Variants in TEX11 observed in about 807,000 individuals in gnomAD.
TEX11 encodes the protein testis-expressed protein 11.
TEX11 carries 7 observed loss-of-function variants against 84.4 expected under a neutral mutation model. The observed-to-expected ratio is 0.08, with a 90% CI of 0.05 to 0.16. TEX11 has a LOEUF of 0.16. TEX11 is among the 10% of genes least tolerant of loss of function. The pLI, the probability that TEX11 is intolerant of heterozygous loss-of-function variation, is 1.00. For missense variants in TEX11, 551 were observed against 660.5 expected (o/e 0.83, Z 1.82); for synonymous variants, 264 against 222.8 (o/e 1.18, Z -1.64).
intron 9 of TEX11, among the ~76,000 whole-genome samples, chrX:70,784,345 A>C (rs930330208): frequency 9.0e-6 from 1 of 111,528 alleles, no homozygotes; most frequent in Non-Finnish European, 1.9e-5. Flanking sequence ...AATAAGAGCT[A>C]TTTCTGACAA....
chrX:70,654,235 G>T (rs1266528080), intron 16 of TEX11, among the ~76,000 whole-genome samples: 2 of 111,646 alleles, frequency 1.8e-5, no homozygotes. Context: ...GCACACTAAT[G>T]CGAGATGTTA....
intron 17 of TEX11, among the ~76,000 whole-genome samples, chrX:70,641,265 A>C (rs1226667895): frequency 1.8e-5 from 2 of 111,559 alleles, no homozygotes; most frequent in African/African-American, 6.5e-5. Flanking sequence ...CAGATTCATA[A>C]AGCAAGTCCT....
chrX:70,613,719 G>C lies in TEX11; in HGVS notation c.1752-3176C>G, dbSNP rs918872562. On this transcript the variant is annotated intron_variant, in intron 20 of 29. Coordinates refer to ENST00000374333, the MANE Select transcript of TEX11 (RefSeq NM_031276.3). ...TGAGCCACCAGCTGGGGTAGCTAAG[G>C]GGGTGCTTGTTCCACCCCTCCCCAA... Among the ~76,000 whole-genome samples, 103 of 111,712 alleles carry C rather than the reference G, an allele frequency of 9.2e-4. 1 individual carries two copies. The highest frequency in any genetic ancestry group is 3.3e-3 in the African/African-American group (102 of 30,783).
chrX:70,540,504 T>C (rs1216668207), intron 28 of TEX11, among the ~76,000 whole-genome samples: 1 of 111,896 alleles, frequency 8.9e-6, no homozygotes, highest in Non-Finnish European at 1.9e-5. Flanking sequence ...TTTTTTTTAT[T>C]ATGGAGATAA....
At chrX:70,811,316 G>C (rs937857773) in intron 8 of TEX11, among the ~76,000 whole-genome samples, 8 of 110,486 alleles carry the variant, frequency 7.2e-5, no homozygotes, top group Non-Finnish European at 1.9e-5. Context: ...GAGAATGATG[G>C]TTTCCAGCTT....
intron 4 of TEX11, among the ~76,000 whole-genome samples, chrX:70,862,969 T>A (rs1321275802): frequency 9.2e-6 from 1 of 108,445 alleles, no homozygotes; most frequent in Non-Finnish European, 1.9e-5. Context: ...CTCAACACAG[T>A]GCGACAAAGC....
In TEX11 at chrX:70,593,056, A is replaced by AACAC. The variant is rs56116828; in HGVS notation, c.2068-1237_2068-1234dup. On this transcript the variant is annotated intron_variant, in intron 24 of 29. Transcript: ENST00000374333. Reference sequence around the variant, plus strand: ...GGCAATTTATGCACAAGAGCATTTTAACACACACACACACACACACACACA... The same window carrying AACAC: ...GGCAATTTATGCACAAGAGCATTTTAACACACACACACACACACACACACACACA... Among the ~76,000 whole-genome samples the AACAC allele has an allele frequency of 7.2e-3, 695 of 95,973 alleles. 2 individuals are homozygous for AACAC. Among genetic ancestry groups the AACAC allele is most frequent in the East Asian group, 0.019 (57 of 2,956 alleles). The allele number at this position is 95,973 out of a possible 115,157, so 83.3% of individuals were successfully genotyped here.
chrX:70,706,525 C>T (rs1000601600), intron 13 of TEX11, among the ~76,000 whole-genome samples: 3 of 110,939 alleles, frequency 2.7e-5, no homozygotes, highest in African/African-American at 9.8e-5. Context: ...AATTCTAATG[C>T]CAAATAGGTA....
intron 8 of TEX11, among the ~76,000 whole-genome samples, chrX:70,818,601 A>G (rs1945352661): frequency 9.0e-6 from 1 of 110,629 alleles, no homozygotes; most frequent in Non-Finnish European, 1.9e-5. Context: ...AGCCACCCAA[A>G]GCCCACAACC....
At chrX:70,679,551 C>G (rs763926512) in intron 14 of TEX11, among the ~76,000 whole-genome samples, 2 of 111,618 alleles carry the variant, frequency 1.8e-5, no homozygotes, top group Admixed American at 1.9e-4. Context: ...TCTGCCCGGC[C>G]GCCCCGTCTG....
chrX:70,513,353 C>CA, the TEX11 span, among the ~76,000 whole-genome samples: 555 of 82,846 alleles, frequency 6.7e-3, 22 homozygotes, highest in African/African-American at 0.025. Flanking sequence ...AACTCCATCT[C>CA]AAAAAAAAAA....
At chrX:70,875,606 C>T (rs918612489) in intron 3 of TEX11, among the ~76,000 whole-genome samples, 92 of 107,249 alleles carry the variant, frequency 8.6e-4, no homozygotes, top group Non-Finnish European at 1.6e-3. Flanking sequence ...AAAAAATAGC[C>T]AGGTGTGGTG....
intron 2 of TEX11, among the ~76,000 whole-genome samples, chrX:70,905,913 C>T (rs1277709282): frequency 1.9e-5 from 2 of 102,689 alleles, no homozygotes; most frequent in Non-Finnish European, 4.0e-5. Context: ...ATTAGCCGGG[C>T]ATGGTGGCAC....
chrX:70,712,620 T>C lies in TEX11; in HGVS notation c.1004+9998A>G, dbSNP rs1198985666. On this transcript the variant is annotated intron_variant, in intron 13 of 29. Transcript: ENST00000374333. ...TGTTATTGGTGTATAAGAATGCCTG[T>C]GATTTTTGCACATTGATTTTGTATC... 9.2e-4 allele frequency among the ~76,000 whole-genome samples: 102 copies of C among 111,443 alleles called. 1 individual carries two copies. Among genetic ancestry groups the C allele is most frequent in the African/African-American group, 3.3e-3 (100 of 30,676 alleles).
At position 70,740,722 on chromosome X, in the gene TEX11, A is replaced by G; in HGVS notation, c.822T>C (p.Asn274=). The change falls in exon 11 of 30, where the codon AAT becomes AAC. Residue 274 remains asparagine (N), a synonymous_variant. Coordinates refer to ENST00000374333, the MANE Select transcript of TEX11 (RefSeq NM_031276.3). ...DDTKYYDKAL[N]AVNLANKEHL... ...ATACCTTGTTTGCTAGGTTTACAGC[A>G]TTGAGAGCCTTATCATAATATTTGG... 8.3e-7 allele frequency: 1 copy of G among 1,199,465 alleles called. No homozygotes were observed. The highest frequency in any genetic ancestry group is 1.1e-6 in the Non-Finnish European group (1 of 887,948).
At chrX:70,889,464 G>A (rs1428547580) in intron 2 of TEX11, among the ~76,000 whole-genome samples, 4 of 109,538 alleles carry the variant, frequency 3.7e-5, no homozygotes, top group African/African-American at 9.9e-5. Flanking sequence ...GTAATAGTAA[G>A]TACAAAAAAA....
chrX:70,511,937 C>G, the TEX11 span, among the ~76,000 whole-genome samples: 1 of 105,867 alleles, frequency 9.4e-6, no homozygotes, highest in African/African-American at 3.5e-5. Context: ...ATTTCTGACC[C>G]TGCCACTCCT....
the TEX11 span, among the ~76,000 whole-genome samples, chrX:70,520,026 T>C: frequency 9.0e-6 from 1 of 111,578 alleles, no homozygotes. Context: ...CTAATCTTGT[T>C]TCAAGGTTTT....
chrX:70,728,403 C>A (rs1028521799), intron 11 of TEX11, among the ~76,000 whole-genome samples: 2 of 113,047 alleles, frequency 1.8e-5, no homozygotes, highest in Non-Finnish European at 3.7e-5. Flanking sequence ...TCAGGGAATT[C>A]CCTTTCCTAG....
Sources: gnomAD v4.1 joint callset for allele counts (sites outside exome capture counted in the v4.1 genomes callset) on GRCh38, gnomAD v4.1.1 for gene constraint, MANE v1.5 for transcripts, NCBI Gene and HGNC (gene_info 2026-07-23, HGNC 2026-07-21) for gene names.